The following TMEM253 variants were observed in gnomAD, a reference collection of about 807,000 sequenced individuals.
TMEM253 encodes transmembrane protein C14orf176.
In TMEM253, 22 loss-of-function variants were observed where a neutral mutation model predicts 20.3. The ratio of observed to expected loss-of-function variants is 1.08; its 90% CI spans 0.78 to 1.55. The LOEUF is 1.55. Among genes scored for constraint, TMEM253 ranks in the 40% most tolerant of loss-of-function variants. The pLI is 0.00. For missense variants in TMEM253, 251 were observed against 266.1 expected (o/e 0.94, Z 0.39); for synonymous variants, 92 against 102.6 (o/e 0.90, Z 0.62).
chr14:21,101,972 C>G (rs1889665591), exon 3 of TMEM253: 2 of 1,551,594 alleles, frequency 1.3e-6, no homozygotes, highest in East Asian at 4.9e-5. Flanking sequence ...GGCCTGGAGC[C>G]TCAGTAAGAC....
chr14:21,102,721 G>A (rs1453985569), exon 6 of TMEM253: 25 of 1,551,448 alleles, frequency 1.6e-5, no homozygotes, highest in Non-Finnish European at 2.1e-5. Context: ...TTCTTGCTGA[G>A]CCAGAGGAAA....
intron 2 of TMEM253, 132 bp downstream of exon 2, chr14:21,101,583 G>A (rs1457513396): frequency 1.2e-6 from 1 of 823,318 alleles, no homozygotes; most frequent in Non-Finnish European, 1.9e-6. Context: ...TGAATGGGAG[G>A]AGGGTAGAGG....
exon 5 of TMEM253, chr14:21,102,508 C>G: frequency 6.4e-7 from 1 of 1,551,740 alleles, no homozygotes; most frequent in Non-Finnish European, 8.7e-7. Flanking sequence ...CCAACTGCCT[C>G]CTCCCAGGTA....
At chr14:21,102,348 GA>G in intron 4 of TMEM253, 56 bp from the exon 5 acceptor site, 1 of 1,536,710 alleles carries the variant, frequency 6.5e-7, no homozygotes, top group Non-Finnish European at 8.8e-7. Flanking sequence ...TGCAAGTGGG[GA>G]TTGAGGTTGG....
At chr14:21,102,065 G>T (rs762619558) in exon 4 of TMEM253, 2 of 1,551,270 alleles carry the variant, frequency 1.3e-6, no homozygotes, top group African/African-American at 1.4e-5. Flanking sequence ...ACCATTCAGG[G>T]TCTCCTCACT....
chr14:21,102,225 C>A, intron 4 of TMEM253, 105 bp downstream of exon 4: 1 of 1,424,468 alleles, frequency 7.0e-7, no homozygotes, highest in Non-Finnish European at 9.5e-7. Context: ...ATTCTCTCAG[C>A]TGTCACCACT....
At chr14:21,103,047 T>C in intron 6 of TMEM253, 92 bp from the exon 7 acceptor site, 3 of 1,539,714 alleles carry the variant, frequency 1.9e-6, no homozygotes, top group East Asian at 2.4e-5. Context: ...GGAAACAGGA[T>C]AGAAAATTGG....
At chr14:21,099,742 C>T (rs1566556028), upstream of TMEM253, among the ~76,000 whole-genome samples, 1 of 152,188 alleles carries the variant, frequency 6.6e-6, no homozygotes, top group East Asian at 1.9e-4. Flanking sequence ...GAAAGCAACC[C>T]CTTGAGACTG....
At chr14:21,102,588 A>C in intron 5 of TMEM253, 45 bp from the exon 6 acceptor site, 1 of 1,551,066 alleles carries the variant, frequency 6.4e-7, no homozygotes, top group Non-Finnish European at 8.7e-7. Context: ...GGGCAGGGGC[A>C]AACAGGTGCG....
chr14:21,102,752 G>A, exon 6 of TMEM253: 1 of 1,550,946 alleles, frequency 6.4e-7, no homozygotes, highest in Non-Finnish European at 8.7e-7. Flanking sequence ...GCAGGAGCCA[G>A]AGTCTGCACT....
At chr14:21,099,992 G>T (rs916627782), upstream of TMEM253, among the ~76,000 whole-genome samples, 1 of 152,138 alleles carries the variant, frequency 6.6e-6, no homozygotes, top group Non-Finnish European at 1.5e-5. Context: ...CACCCACCCT[G>T]AATCAACAAC....
rs1472608054 is a variant in TMEM253, at chr14:21,102,053, T to G, written c.220-11T>G. On this transcript the variant is annotated splice_polypyrimidine_tract_variant and intron_variant, in intron 3 of 6. Transcript: ENST00000556585. ...GACCAGAGCTCAACACTTGCCCTTC[T>G]CACCATTCAGGGTCTCCTCACTGGG... 1 of 1,551,188 alleles carries G rather than the reference T, an allele frequency of 6.4e-7. No homozygotes were observed.
At chr14:21,102,644 G>T (rs1288472735) in exon 6 of TMEM253, 1 of 1,551,480 alleles carries the variant, frequency 6.4e-7, no homozygotes, top group Non-Finnish European at 8.7e-7. Context: ...ATGCTGGCTT[G>T]CTGGTGCTGG....
upstream of TMEM253, chr14:21,098,846 C>G: frequency 2.3e-6 from 3 of 1,287,754 alleles, no homozygotes; most frequent in Non-Finnish European, 3.0e-6. Flanking sequence ...CTTTCTGCCC[C>G]AACATGCACA....
chr14:21,099,471 C>T (rs1027855885), upstream of TMEM253, among the ~76,000 whole-genome samples: 63 of 152,070 alleles, frequency 4.1e-4, no homozygotes, highest in African/African-American at 1.4e-3. Context: ...CTCTTTAAAA[C>T]GTGACTCCCA....
chr14:21,102,820 A>G, intron 6 of TMEM253, 41 bp downstream of exon 6: 1 of 1,538,438 alleles, frequency 6.5e-7, no homozygotes, highest in South Asian at 1.2e-5. Flanking sequence ...CTAGCTGCCA[A>G]CTAATTTTTC....
exon 6 of TMEM253, chr14:21,102,644 G>C: frequency 6.4e-7 from 1 of 1,551,480 alleles, no homozygotes; most frequent in South Asian, 1.2e-5. Flanking sequence ...ATGCTGGCTT[G>C]CTGGTGCTGG....
Position 21,102,121 on chromosome 14 carries a change from G to A in TMEM253, c.276+1G>A, listed in dbSNP as rs757600846. On this transcript the variant is annotated splice_donor_variant, in intron 4 of 6. Transcript: ENST00000556585. LOFTEE classifies it high-confidence loss of function. ...TCGCAGAGCACCCCGCCTTTGGAAG[G>A]TGAGAGGGAAGAAAACGCAGCACTG... 3 of 1,550,722 alleles carry A rather than the reference G, an allele frequency of 1.9e-6. No homozygotes were observed. The highest frequency in any genetic ancestry group is 2.6e-6 in the Non-Finnish European group (3 of 1,146,486).
chr14:21,101,710 T>A (rs970421621), intron 2 of TMEM253, 155 bp from the exon 3 acceptor site: 6 of 672,654 alleles, frequency 8.9e-6, no homozygotes, highest in Admixed American at 5.9e-5. Context: ...AATTAAATGA[T>A]ACTTAATTTT....
Sources: gnomAD v4.1 joint callset for allele counts (sites outside exome capture counted in the v4.1 genomes callset) on GRCh38, gnomAD v4.1.1 for gene constraint, MANE v1.5 for transcripts, NCBI Gene and HGNC (gene_info 2026-07-23, HGNC 2026-07-21) for gene names.